Variants in HMCN2 observed in about 807,000 individuals in gnomAD.
HMCN2 encodes hemicentin 2, also known as hemicentin-2.
HMCN2 carries 325 observed loss-of-function variants against 377.5 expected under a neutral mutation model. That is an observed-to-expected ratio of 0.86 (90% CI 0.79 to 0.94). The LOEUF is 0.94. Ranked by LOEUF, HMCN2 falls within the 40% of genes least tolerant of loss-of-function variation. HMCN2 has a pLI of 0.00. For synonymous variants in HMCN2, 2,007 were observed against 2,046.8 expected (o/e 0.98, Z 0.53); for missense variants, 4,543 against 4,725.3 (o/e 0.96, Z 1.13).
intron 84 of HMCN2, 59 bp from the exon 85 acceptor site, chr9:130,410,508 ACTGT>A: frequency 1.4e-6 from 2 of 1,479,216 alleles, no homozygotes; most frequent in Non-Finnish European, 9.2e-7. Flanking sequence ...CCCCTACCCA[ACTGT>A]CTGAGCCACT....
Position 130,313,774 on chromosome 9 carries a change from C to CTTTT in HMCN2, c.2350+3733_2350+3736dup, listed in dbSNP as rs1215426849. On this transcript the variant is annotated intron_variant, in intron 15 of 97. Coordinates refer to ENST00000683500, the MANE Select transcript of HMCN2 (RefSeq NM_001291815.2). The stretch of plus-strand genomic sequence containing the variant: ...TCCTCTCTAAATGAATGTGTGTCCT[C>CTTTT]TTTTTTTTTTTTTTTTTTTTTTTGA... Among the ~76,000 whole-genome samples the CTTTT allele has an allele frequency of 1.0e-3, 82 of 81,556 alleles. 1 individual carries two copies. The highest frequency in any genetic ancestry group is 2.1e-3 in the African/African-American group (43 of 20,772). 53.5% of individuals were successfully genotyped at this position (81,556 alleles called of 152,430 possible). A position where few individuals can be genotyped will look rare whatever the true frequency, so the allele number is the denominator to read the frequency against.
rs1554935344 is a variant in HMCN2, at chr9:130,303,538, G to A, written c.1473G>A (p.Glu491=). ...TCCTGCGGGCCTCCAAGGCCGAGGA[G>A]GGCACGTACGAGTGCACAGCCGTCA... is the stretch of plus-strand genomic sequence containing the variant. ...WEILRASKAE[E]GTYECTAVSR... is the part of the protein sequence containing the mutation. Residue 491 remains glutamate (E), a synonymous_variant, in exon 10 of 98, where the codon GAG becomes GAA. Transcript: ENST00000683500. The surrounding 1 kb of genome is among the most constrained non-coding windows in gnomAD (Gnocchi z 5.2). 1 of 428,366 alleles carries A rather than the reference G, an allele frequency of 2.3e-6. No individual in the cohort carries two copies. The highest frequency in any genetic ancestry group is 4.9e-6 in the Non-Finnish European group (1 of 205,144). 26.5% of individuals were successfully genotyped at this position (428,366 alleles called of 1,614,324 possible).
intron 85 of HMCN2, among the ~76,000 whole-genome samples, chr9:130,411,961 T>TTA (rs1455550348): frequency 2.0e-5 from 3 of 152,004 alleles, no homozygotes; most frequent in African/African-American, 7.2e-5. Context: ...GTATTTTTTT[T>TTA]ACAACTATTA....
intron 16 of HMCN2, among the ~76,000 whole-genome samples, chr9:130,320,098 C>G (rs36177638): frequency 0.049 from 7,523 of 152,270 alleles, 311 homozygotes; most frequent in East Asian, 0.21. Flanking sequence ...CTTTGTCAAC[C>G]CTGCCCCATC....
At chr9:130,298,839 A>G (rs140424087) in intron 7 of HMCN2, among the ~76,000 whole-genome samples, 186 bp from the exon 8 acceptor site, 205 of 152,290 alleles carry the variant, frequency 1.3e-3, no homozygotes, top group African/African-American at 4.7e-3. Flanking sequence ...GGACAGTAGC[A>G]AGGTCCCTAT....
intron 4 of HMCN2, among the ~76,000 whole-genome samples, chr9:130,293,193 C>G (rs997675032): frequency 3.4e-5 from 5 of 148,632 alleles, no homozygotes; most frequent in Non-Finnish European, 7.4e-5. Context: ...GACATCTTTA[C>G]TTATTTGCTT....
intron 51 of HMCN2, 60 bp downstream of exon 51, chr9:130,376,049 G>C: frequency 1.3e-6 from 1 of 750,268 alleles, no homozygotes; most frequent in Non-Finnish European, 1.6e-6. Context: ...GAACCTAGGG[G>C]CCCAGGCACC....
intron 34 of HMCN2, among the ~76,000 whole-genome samples, chr9:130,357,157 G>T (rs556274838): frequency 3.2e-4 from 48 of 149,340 alleles, no homozygotes; most frequent in African/African-American, 1.1e-3. Context: ...TGGATGGATG[G>T]GTAAATGGAT....
At position 130,433,851 on chromosome 9, in the gene HMCN2, T is replaced by C. The variant is rs933576917; in HGVS notation, c.*158T>C. The C allele has an allele frequency of 2.5e-5, 16 of 635,436 alleles. No individual in the cohort carries two copies. The highest frequency in any genetic ancestry group is 3.9e-5 in the Non-Finnish European group (16 of 405,140). 39.4% of individuals were successfully genotyped at this position (635,436 alleles called of 1,614,324 possible). On this transcript the variant is annotated 3_prime_UTR_variant, in exon 98 of 98. Coordinates refer to ENST00000683500, the MANE Select transcript of HMCN2 (RefSeq NM_001291815.2). ...GTCAACACGACCCTGCGCACAGCCTTGACCCCCGACAGCGAGGACCTGACC... is the reference window on the plus strand; with the variant it reads ...GTCAACACGACCCTGCGCACAGCCTCGACCCCCGACAGCGAGGACCTGACC...
At position 130,429,609 on chromosome 9, in the gene HMCN2, C is replaced by T. The variant is rs746496547; in HGVS notation, c.14250C>T (p.Cys4750=). ...GLDDCHYNQL[C]ENTPGGHRCS... is the part of the protein sequence containing the mutation. Reference sequence around the variant, plus strand: ...ACGACTGTCACTACAACCAGCTCTGCGAGAACACCCCAGGCGGTCACCGCT... The same window carrying T: ...ACGACTGTCACTACAACCAGCTCTGTGAGAACACCCCAGGCGGTCACCGCT... Residue 4750 remains cysteine (C), a synonymous_variant, in exon 94 of 98, where the codon TGC becomes TGT. Transcript: ENST00000683500. 6.3e-5 allele frequency: 97 copies of T among 1,550,060 alleles called. 1 individual carries two copies. The highest frequency in any genetic ancestry group is 5.1e-4 in the Admixed American group (26 of 50,952).
At position 130,372,388 on chromosome 9, in the gene HMCN2, C is replaced by T; in HGVS notation, c.7332C>T (p.Asn2444=). 4 of 985,702 alleles carry T rather than the reference C, an allele frequency of 4.1e-6. No individual in the cohort carries two copies. The highest frequency in any genetic ancestry group is 4.8e-6 in the Non-Finnish European group (4 of 829,808). The allele number at this position is 985,702 out of a possible 1,614,324, so 61.1% of individuals were successfully genotyped here. The part of the protein sequence containing the change: ...ASNEAGEARR[N]FSVEVLVPPS... ...ACGAGGCTGGGGAGGCACGGAGGAA[C>T]TTCAGTGTGGAGGTGCTGGGTGCGT... Residue 2444 remains asparagine, a synonymous_variant, in exon 47 of 98, where the codon AAC becomes AAT. Coordinates refer to ENST00000683500, the MANE Select transcript of HMCN2 (RefSeq NM_001291815.2).
At chr9:130,278,063 C>CGATCAT (rs1834888922) in intron 1 of HMCN2, among the ~76,000 whole-genome samples, 1 of 151,378 alleles carries the variant, frequency 6.6e-6, no homozygotes, top group Non-Finnish European at 1.5e-5. Flanking sequence ...ACCACCACCA[C>CGATCAT]CACCACCATC....
At chr9:130,299,911 T>A in intron 8 of HMCN2, among the ~76,000 whole-genome samples, 1 of 110,234 alleles carries the variant, frequency 9.1e-6, no homozygotes, top group Non-Finnish European at 1.8e-5. Context: ...ATTCATGCAC[T>A]CATCCACCCA....
chr9:130,271,692 A>G (rs181272434), intron 1 of HMCN2, among the ~76,000 whole-genome samples: 139 of 148,354 alleles, frequency 9.4e-4, no homozygotes, highest in African/African-American at 2.8e-3. Flanking sequence ...TGAATTCGCT[A>G]TTTCTCCAAG....
intron 1 of HMCN2, among the ~76,000 whole-genome samples, chr9:130,273,049 A>G (rs953110882): frequency 2.0e-5 from 3 of 152,160 alleles, no homozygotes; most frequent in Non-Finnish European, 2.9e-5. Context: ...CTCATCCATC[A>G]GACATGCCTC....
At chr9:130,301,764 T>C (rs1364625807) in intron 8 of HMCN2, among the ~76,000 whole-genome samples, 2 of 152,226 alleles carry the variant, frequency 1.3e-5, no homozygotes, top group Non-Finnish European at 2.9e-5. Flanking sequence ...TCTGCTGGGC[T>C]CCTCTGCTGG....
chr9:130,403,679 GC>G, intron 79 of HMCN2, 61 bp from the exon 80 acceptor site: 1 of 1,267,240 alleles, frequency 7.9e-7, no homozygotes, highest in Non-Finnish European at 1.0e-6. Context: ...AGCCCAATCT[GC>G]CCACCTCGGG....
chr9:130,307,021 G>A (rs1554937077), intron 13 of HMCN2, 83 bp downstream of exon 13: 1 of 402,874 alleles, frequency 2.5e-6, no homozygotes, highest in Non-Finnish European at 5.2e-6. Flanking sequence ...CAGTATTTAT[G>A]GAGCATTTAC....
intron 85 of HMCN2, among the ~76,000 whole-genome samples, chr9:130,416,947 C>G (rs1047485932): frequency 6.6e-6 from 1 of 151,876 alleles, no homozygotes; most frequent in African/African-American, 2.4e-5. Flanking sequence ...GATTCTCACT[C>G]TGTTGCCCAG....
Sources: allele counts gnomAD v4.1 joint callset (sites outside exome capture counted in the v4.1 genomes callset), GRCh38; gene constraint gnomAD v4.1.1; non-coding constraint Gnocchi (gnomAD v3.1); transcripts MANE v1.5; gene names NCBI Gene and HGNC (gene_info 2026-07-23, HGNC 2026-07-21).